MYEF2: variants seen among roughly 807,000 people sequenced by gnomAD.
MYEF2 encodes the protein myelin gene expression factor 2.
In MYEF2, 37 loss-of-function variants were observed where a neutral mutation model predicts 75.2. The observed-to-expected ratio is 0.49, with a 90% CI of 0.38 to 0.65. MYEF2 has a LOEUF of 0.65. Among genes scored for constraint, MYEF2 ranks in the 30% least tolerant of loss-of-function variants. MYEF2 has a pLI of 0.00. For synonymous variants in MYEF2, 195 were observed against 241.6 expected (o/e 0.81, Z 1.79); for missense variants, 634 against 771.4 (o/e 0.82, Z 2.11).
chr15:48,175,928 AAGT>A (rs571540779), intron 1 of MYEF2, among the ~76,000 whole-genome samples: 87 of 152,234 alleles, frequency 5.7e-4, no homozygotes, highest in African/African-American at 2.0e-3. Flanking sequence ...ATAAGCATGA[AAGT>A]TCACTTCTGC....
intron 14 of MYEF2, among the ~76,000 whole-genome samples, chr15:48,150,451 G>C (rs2039449206): frequency 6.6e-6 from 1 of 151,918 alleles, no homozygotes; most frequent in Admixed American, 6.6e-5. Context: ...ATAAAGTATG[G>C]AGAGCTCAGA....
chr15:48,153,797 G>T lies in MYEF2; in HGVS notation c.1082C>A (p.Pro361Gln), dbSNP rs1286600678. 6.2e-7 allele frequency: 1 copy of T among 1,612,538 alleles called. No individual in the cohort carries two copies. Among genetic ancestry groups the T allele is most frequent in the South Asian group, 1.1e-5 (1 of 91,022 alleles). ...NIGGVMGNLG[P>Q]GGMGMDGPGF... ...GAGGAAGTTAGAATACTCACCACCT[G>T]GACCTAAATTTCCCATTACTCCACC... The change falls in exon 10 of 17, where the codon CCA becomes CAA. Residue 361 changes from proline (P) to glutamine (Q), a missense_variant. By Grantham distance (76) the Pro-to-Gln change is moderately conservative. Coordinates refer to ENST00000324324, the MANE Select transcript of MYEF2 (RefSeq NM_016132.5).
chr15:48,178,200 G>A lies in MYEF2; in HGVS notation c.38C>T (p.Thr13Ile). The A allele has an allele frequency of 2.0e-6, 3 of 1,506,114 alleles. No homozygotes were observed. Among genetic ancestry groups the A allele is most frequent in the Non-Finnish European group, 2.7e-6 (3 of 1,129,078 alleles). The allele number at this position is 1,506,114 out of a possible 1,614,324, so 93.3% of individuals were successfully genotyped here. The change falls in exon 1 of 17, where the codon ACT becomes ATT. Residue 13 changes from threonine (T) to isoleucine (I), a missense_variant. Transcript: ENST00000324324. ...DANKAEVPGA[T>I]GGDSPHLQPA... ...CTGCAGGTGCGGGCTGTCGCCACCA[G>A]TGGCCCCGGGCACCTCGGCCTTGTT...
At chr15:48,155,648 A>C (rs2039665294) in intron 9 of MYEF2, among the ~76,000 whole-genome samples, 1 of 151,982 alleles carries the variant, frequency 6.6e-6, no homozygotes, top group African/African-American at 2.4e-5. Flanking sequence ...ACTCACATAT[A>C]AACCATGTTC....
chr15:48,157,859 C>G, intron 9 of MYEF2, 134 bp downstream of exon 9: 1 of 1,441,202 alleles, frequency 6.9e-7, no homozygotes. Context: ...TAGCGCCAAA[C>G]TATCTTCATA....
chr15:48,155,153 G>A (rs1043392767), intron 9 of MYEF2, among the ~76,000 whole-genome samples: 1 of 151,738 alleles, frequency 6.6e-6, no homozygotes, highest in African/African-American at 2.4e-5. Context: ...TTTTTAAAAA[G>A]TCTAAGCCCA....
chr15:48,172,276 T>G (rs1411396534), intron 1 of MYEF2, among the ~76,000 whole-genome samples: 2 of 151,866 alleles, frequency 1.3e-5, no homozygotes, highest in African/African-American at 4.8e-5. Context: ...GATGCATGCC[T>G]GTAATCCCAG....
Position 48,137,024 on chromosome 15 carries a change from A to C in MYEF2, c.*5884T>G. 9.3e-6 allele frequency: 14 copies of C among 1,497,896 alleles called. No individual in the cohort carries two copies. Among genetic ancestry groups the C allele is most frequent in the Non-Finnish European group, 1.2e-5 (13 of 1,115,028 alleles). The allele number at this position is 1,497,896 out of a possible 1,614,324, so 92.8% of individuals were successfully genotyped here. On this transcript the variant is annotated 3_prime_UTR_variant, in exon 17 of 17. Transcript: ENST00000324324. ...CGCAAAGGAAAAACTTTAAAATTTC[A>C]TTTCAATTCAGCAAGTATTGTGTGC...
chr15:48,141,272 A>G lies in MYEF2; in HGVS notation c.*1636T>C. On this transcript the variant is annotated 3_prime_UTR_variant, in exon 17 of 17. Coordinates refer to ENST00000324324, the MANE Select transcript of MYEF2 (RefSeq NM_016132.5). ...ATTCTACAAGGCTAGAATGAGTAAA[A>G]GTAGCTTTAAAAATGTTTACTTCCA... The G allele has an allele frequency of 1.4e-6, 2 of 1,384,170 alleles. No individual in the cohort carries two copies. Among genetic ancestry groups the G allele is most frequent in the Non-Finnish European group, 2.0e-6 (2 of 979,160 alleles). 85.7% of individuals were successfully genotyped at this position (1,384,170 alleles called of 1,614,324 possible). A position where few individuals can be genotyped will look rare whatever the true frequency, so the allele number is the denominator to read the frequency against.
Position 48,178,223 on chromosome 15 carries a change from G to A in MYEF2, c.15C>T (p.Asn5=). The change falls in exon 1 of 17, where the codon AAC becomes AAT. Residue 5 remains asparagine (N), a synonymous_variant. Transcript: ENST00000324324. MADA[N]KAEVPGATGG... ...CAGTGGCCCCGGGCACCTCGGCCTT[G>A]TTGGCGTCCGCCATCCCGCCGCCGC... The A allele has an allele frequency of 1.4e-6, 2 of 1,421,118 alleles. No homozygotes were observed. The highest frequency in any genetic ancestry group is 1.8e-6 in the Non-Finnish European group (2 of 1,092,614). The allele number at this position is 1,421,118 out of a possible 1,614,324, so 88.0% of individuals were successfully genotyped here.
Position 48,178,272 on chromosome 15 carries a change from C to G in MYEF2, c.-35G>C. On this transcript the variant is annotated 5_prime_UTR_variant, in exon 1 of 17. Coordinates refer to ENST00000324324, the MANE Select transcript of MYEF2 (RefSeq NM_016132.5). ...GCTGCCTCCGCCTCGGCCGCCTGAGCTGAGGGGCTCCGAGCGCGACAATGG... is the reference window on the plus strand; with the variant it reads ...GCTGCCTCCGCCTCGGCCGCCTGAGGTGAGGGGCTCCGAGCGCGACAATGG... 1.5e-6 allele frequency: 2 copies of G among 1,367,804 alleles called. No individual in the cohort carries two copies. Among genetic ancestry groups the G allele is most frequent in the Non-Finnish European group, 1.9e-6 (2 of 1,064,396 alleles). The allele number at this position is 1,367,804 out of a possible 1,614,324, so 84.7% of individuals were successfully genotyped here.
Position 48,153,878 on chromosome 15 carries a change from A to C in MYEF2, c.1001T>G (p.Ile334Ser). Residue 334 changes from isoleucine to serine, a missense_variant, in exon 10 of 17, where the codon ATT becomes AGT. Coordinates refer to ENST00000324324, the MANE Select transcript of MYEF2 (RefSeq NM_016132.5). ...TPQLPRGLGG[I>S]GMGLGPGGQP... is the part of the protein sequence containing the mutation. ...TCCACCCGGACCAAGTCCCATCCCA[A>C]TGCCTCCAAGACCACCTAAAACAAA... The C allele has an allele frequency of 6.2e-7, 1 of 1,613,116 alleles. No individual in the cohort carries two copies.
intron 14 of MYEF2, among the ~76,000 whole-genome samples, 162 bp downstream of exon 14, chr15:48,150,938 T>C (rs775670499): frequency 2.4e-4 from 36 of 152,046 alleles, no homozygotes; most frequent in Non-Finnish European, 1.0e-4. Context: ...CAAACAATAA[T>C]CAAACAGAAA....
In MYEF2 at chr15:48,141,366, C is replaced by T; in HGVS notation, c.*1542G>A. 1 of 529,690 alleles carries T rather than the reference C, an allele frequency of 1.9e-6. No homozygotes were observed. The allele number at this position is 529,690 out of a possible 1,614,324, so 32.8% of individuals were successfully genotyped here. A position where few individuals can be genotyped will look rare whatever the true frequency, so the allele number is the denominator to read the frequency against. ...GGCCGAGGCGGGTGGATCACGAGGTCAGGAGTTTGAGACCAGCCTGACCAA... is the reference window on the plus strand; with the variant it reads ...GGCCGAGGCGGGTGGATCACGAGGTTAGGAGTTTGAGACCAGCCTGACCAA... On this transcript the variant is annotated 3_prime_UTR_variant, in exon 17 of 17. Coordinates refer to ENST00000324324, the MANE Select transcript of MYEF2 (RefSeq NM_016132.5).
intron 16 of MYEF2, among the ~76,000 whole-genome samples, chr15:48,144,071 G>A (rs530145634): frequency 1.3e-5 from 2 of 152,034 alleles, no homozygotes; most frequent in East Asian, 3.9e-4. Context: ...AACAAATCAA[G>A]TTAGAAGACT....
chr15:48,151,584 T>C lies in MYEF2; in HGVS notation c.1208-13A>G, dbSNP rs369440159. On this transcript the variant is annotated splice_polypyrimidine_tract_variant and intron_variant, in intron 12 of 16. Coordinates refer to ENST00000324324, the MANE Select transcript of MYEF2 (RefSeq NM_016132.5). Reference sequence around the variant, plus strand: ...CCACGGTACAGCTCTGAAAAAATTGTGCAACAAATTAACCTTTTCAAATAT... The same window carrying C: ...CCACGGTACAGCTCTGAAAAAATTGCGCAACAAATTAACCTTTTCAAATAT... 3.1e-6 allele frequency: 5 copies of C among 1,593,822 alleles called. No individual in the cohort carries two copies. Among genetic ancestry groups the C allele is most frequent in the Non-Finnish European group, 2.6e-6 (3 of 1,172,200 alleles).
chr15:48,168,420 T>A (rs986621396), intron 2 of MYEF2, among the ~76,000 whole-genome samples: 11 of 152,080 alleles, frequency 7.2e-5, no homozygotes. Context: ...CTCGCTACTA[T>A]CCCACTAAAA....
At chr15:48,175,560 C>A (rs2040488811) in intron 1 of MYEF2, among the ~76,000 whole-genome samples, 2 of 152,064 alleles carry the variant, frequency 1.3e-5, no homozygotes, top group South Asian at 4.1e-4. Flanking sequence ...ACCAAACCAT[C>A]ACACTGTACA....
chr15:48,178,031 TC>T, intron 1 of MYEF2, 45 bp downstream of exon 1: 1 of 1,554,952 alleles, frequency 6.4e-7, no homozygotes, highest in Non-Finnish European at 8.7e-7. Flanking sequence ...CCCGGTAGAC[TC>T]CCCGCCCCCC....
Sources: allele counts gnomAD v4.1 joint callset (sites outside exome capture counted in the v4.1 genomes callset), GRCh38; gene constraint gnomAD v4.1.1; transcripts MANE v1.5; gene names NCBI Gene and HGNC (gene_info 2026-07-23, HGNC 2026-07-21).